The following CTNNA2 variants were observed in gnomAD, a reference collection of about 807,000 sequenced individuals.
The protein encoded by CTNNA2 is catenin alpha 2.
A neutral mutation model predicts 101.0 loss-of-function variants in CTNNA2; 42 were observed. The ratio of observed to expected loss-of-function variants is 0.42; its 90% CI spans 0.32 to 0.54. CTNNA2 has a LOEUF of 0.54. Ranked by LOEUF, CTNNA2 falls within the 20% of genes least tolerant of loss-of-function variation. The pLI is 0.14. For missense variants in CTNNA2, 871 were observed against 1,223.1 expected (o/e 0.71, Z 4.29); for synonymous variants, 450 against 456.4 (o/e 0.99, Z 0.18).
At chr2:79,932,988 C>T (rs895478408) in intron 7 of CTNNA2, among the ~76,000 whole-genome samples, 14 of 152,276 alleles carry the variant, frequency 9.2e-5, no homozygotes, top group South Asian at 8.3e-4. Context: ...TTTGTCTGTA[C>T]GTACGTCATT....
chr2:80,179,540 A>C (rs1705627323), intron 7 of CTNNA2, among the ~76,000 whole-genome samples: 1 of 151,880 alleles, frequency 6.6e-6, no homozygotes, highest in Admixed American at 6.6e-5. Flanking sequence ...CACCGGGCTA[A>C]TTTTTTGTAT....
chr2:80,587,811 T>C (rs1024742161), intron 14 of CTNNA2, among the ~76,000 whole-genome samples: 1 of 152,184 alleles, frequency 6.6e-6, no homozygotes, highest in Non-Finnish European at 1.5e-5. Context: ...AGCAGGGGAA[T>C]TGGAAGTACC....
chr2:80,131,639 C>G (rs1702420171), intron 7 of CTNNA2, among the ~76,000 whole-genome samples: 1 of 152,090 alleles, frequency 6.6e-6, no homozygotes. Flanking sequence ...CCAAGACAGC[C>G]CACAGATTCC....
chr2:79,874,334 G>A lies in CTNNA2; in HGVS notation c.844G>A (p.Glu282Lys). The A allele has an allele frequency of 6.2e-7, 1 of 1,613,766 alleles. No homozygotes were observed. Among genetic ancestry groups the A allele is most frequent in the African/African-American group, 1.3e-5 (1 of 74,938 alleles). ...GIGELAAALN[E>K]FDNKIILDPM... ...CGGCGAGCTGGCTGCGGCTCTTAATGAGTTTGACGTAAGCATCCTGGTGAG... is the reference window on the plus strand; with the variant it reads ...CGGCGAGCTGGCTGCGGCTCTTAATAAGTTTGACGTAAGCATCCTGGTGAG... The change falls in exon 6 of 19, where the codon GAG becomes AAG. Residue 282 changes from glutamate (E) to lysine (K), a missense_variant. Transcript: ENST00000402739.
chr2:79,737,320 G>A (rs1380811875), intron 2 of CTNNA2, among the ~76,000 whole-genome samples: 2 of 149,972 alleles, frequency 1.3e-5, no homozygotes, highest in East Asian at 4.0e-4. Context: ...CCACTCTCCA[G>A]CCTGGGCAAC....
intron 1 of CTNNA2, among the ~76,000 whole-genome samples, chr2:79,190,167 G>T (rs935393013): frequency 2.6e-5 from 4 of 151,992 alleles, no homozygotes; most frequent in Non-Finnish European, 5.9e-5. Flanking sequence ...AATAATTTTT[G>T]ATTGGGATGT....
intron 3 of CTNNA2, among the ~76,000 whole-genome samples, chr2:79,346,115 A>G (rs773684778): frequency 1.4e-4 from 22 of 152,192 alleles, no homozygotes; most frequent in Non-Finnish European, 1.6e-4. Context: ...ACTATCAGAA[A>G]TAAAGTGACA....
chr2:79,634,703 A>AT (rs1375555850), intron 1 of CTNNA2: 10 of 152,556 alleles, frequency 6.6e-5, no homozygotes, highest in African/African-American at 2.4e-4. Flanking sequence ...AACCAAAGTA[A>AT]GTCAAGTAAG....
chr2:80,076,569 C>T (rs1161577397), intron 7 of CTNNA2, among the ~76,000 whole-genome samples: 2 of 151,790 alleles, frequency 1.3e-5, no homozygotes, highest in African/African-American at 2.4e-5. Context: ...AGGCATGAGC[C>T]ACTGCACTTG....
At position 79,410,549 on chromosome 2, in the gene CTNNA2, A is replaced by G. The variant is rs188061302; in HGVS notation, c.-135+36536A>G. 1.8e-3 allele frequency among the ~76,000 whole-genome samples: 269 copies of G among 152,224 alleles called. 2 individuals are homozygous for G. Among genetic ancestry groups the G allele is most frequent in the Middle Eastern group, 0.014 (4 of 294 alleles). ...TTTGTCAAAGTTCTTTTCTGCATCT[A>G]TTGAGATAATCGTGTGGTTTGTCTT... is the stretch of plus-strand genomic sequence containing the variant. On this transcript the variant is annotated intron_variant, in intron 4 of 21. Transcript: ENST00000466387.
chr2:80,559,891 T>TATATATATATATACACACACAC (rs1553387588), intron 12 of CTNNA2, among the ~76,000 whole-genome samples: 2 of 146,888 alleles, frequency 1.4e-5, no homozygotes, highest in African/African-American at 5.2e-5. Context: ...TATATATATA[T>TATATATATATATACACACACAC]ACACACACAT....
At chr2:79,926,054 C>T (rs1686998628) in intron 7 of CTNNA2, among the ~76,000 whole-genome samples, 1 of 152,086 alleles carries the variant, frequency 6.6e-6, no homozygotes, top group African/African-American at 2.4e-5. Context: ...AATGAATTCA[C>T]AAATTATGAG....
At chr2:79,707,717 ACAGTTCCAGTG>A (rs1685476679) in intron 2 of CTNNA2, among the ~76,000 whole-genome samples, 1 of 152,198 alleles carries the variant, frequency 6.6e-6, no homozygotes, top group Admixed American at 6.5e-5. Context: ...ACTTGTCTGC[ACAGTTCCAGTG>A]CACTGTCTTC....
At chr2:79,299,867 G>A (rs1019412960) in intron 2 of CTNNA2, among the ~76,000 whole-genome samples, 1 of 152,172 alleles carries the variant, frequency 6.6e-6, no homozygotes, top group Non-Finnish European at 1.5e-5. Context: ...CCATAAATTA[G>A]AAACAGATGT....
At chr2:80,004,829 A>G (rs1049855132) in intron 7 of CTNNA2, among the ~76,000 whole-genome samples, 2 of 151,940 alleles carry the variant, frequency 1.3e-5, no homozygotes, top group South Asian at 2.1e-4. Context: ...CAGCCTCCCA[A>G]GTAGCTGGGA....
intron 4 of CTNNA2, among the ~76,000 whole-genome samples, chr2:79,397,082 A>G (rs955559562): frequency 2.6e-5 from 4 of 152,118 alleles, no homozygotes; most frequent in African/African-American, 9.7e-5. Context: ...CAGGGACTAC[A>G]TATTTTTATT....
intron 2 of CTNNA2, among the ~76,000 whole-genome samples, chr2:79,659,996 A>C (rs937446870): frequency 1.3e-5 from 2 of 152,186 alleles, no homozygotes; most frequent in Non-Finnish European, 1.5e-5. Context: ...CCATCTCTAA[A>C]AAGAATAATA....
chr2:80,168,966 G>A (rs547774078), intron 7 of CTNNA2, among the ~76,000 whole-genome samples: 9 of 152,270 alleles, frequency 5.9e-5, no homozygotes, highest in South Asian at 2.1e-4. Context: ...CCTATCCTAA[G>A]CCATGCGATT....
At chr2:79,975,304 T>C (rs958184768) in intron 7 of CTNNA2, among the ~76,000 whole-genome samples, 1 of 152,162 alleles carries the variant, frequency 6.6e-6, no homozygotes, top group Non-Finnish European at 1.5e-5. Flanking sequence ...ATATGAGAGA[T>C]GTAAGGATTT....
Sources: allele counts gnomAD v4.1 joint callset (sites outside exome capture counted in the v4.1 genomes callset), GRCh38; gene constraint gnomAD v4.1.1; transcripts MANE v1.5; gene names NCBI Gene and HGNC (gene_info 2026-07-23, HGNC 2026-07-21).